Variants in NTM observed in about 807,000 individuals in gnomAD.
NTM encodes the protein neurotrimin.
Under a neutral mutation model 42.1 loss-of-function variants are expected in NTM, and 13 were observed. That is an observed-to-expected ratio of 0.31 (90% CI 0.20 to 0.49). The LOEUF (loss-of-function observed/expected upper bound fraction) is 0.49, where lower values mean the gene tolerates loss of function less well. Among genes scored for constraint, NTM ranks in the 20% least tolerant of loss-of-function variants. The pLI is 0.99. For missense variants in NTM, 373 were observed against 452.8 expected, an observed-to-expected ratio of 0.82 and a Z score of 1.60; for synonymous variants, 187 against 179.2, an observed-to-expected ratio of 1.04 and a Z score of -0.35.
intron 1 of NTM, among the ~76,000 whole-genome samples, chr11:131,893,780 C>A (rs938301601): frequency 1.3e-5 from 2 of 152,106 alleles, no homozygotes; most frequent in Non-Finnish European, 2.9e-5. Context: ...GGACCCAGGA[C>A]CTCAGAGTTG....
At chr11:132,090,377 C>T (rs767567737) in intron 2 of NTM, among the ~76,000 whole-genome samples, 3 of 152,238 alleles carry the variant, frequency 2.0e-5, no homozygotes, top group African/African-American at 4.8e-5. Context: ...GTTTTATAAT[C>T]TCCCTTTCTG....
At chr11:132,030,983 C>T (rs2075842057) in intron 2 of NTM, among the ~76,000 whole-genome samples, 1 of 152,162 alleles carries the variant, frequency 6.6e-6, no homozygotes. Context: ...GACTGAGGAG[C>T]CAGCAGCTAC....
chr11:132,110,727 T>G (rs1218671920), intron 2 of NTM, among the ~76,000 whole-genome samples: 1 of 152,040 alleles, frequency 6.6e-6, no homozygotes, highest in Non-Finnish European at 1.5e-5. Context: ...AATTCTCACT[T>G]TCTGTCACAA....
At chr11:131,412,150 CTG>C (rs1244393007) in intron 1 of NTM, among the ~76,000 whole-genome samples, 1 of 152,134 alleles carries the variant, frequency 6.6e-6, no homozygotes, top group Non-Finnish European at 1.5e-5. Flanking sequence ...CTTTCCTGTT[CTG>C]TGTTAGCCTG....
chr11:131,948,379 AAC>A (rs111518704), intron 2 of NTM, among the ~76,000 whole-genome samples: 6 of 66,452 alleles, frequency 9.0e-5, no homozygotes, highest in Non-Finnish European at 1.8e-4. Context: ...AAAACAAAAA[AAC>A]AAAAAAACAA....
At chr11:131,676,999 T>G (rs1364345270) in intron 1 of NTM, among the ~76,000 whole-genome samples, 4 of 104,754 alleles carry the variant, frequency 3.8e-5, no homozygotes, top group Non-Finnish European at 8.7e-5. Flanking sequence ...GACACTGACA[T>G]TTTTGATGAT....
chr11:131,414,792 C>A (rs144435134), intron 1 of NTM, among the ~76,000 whole-genome samples: 1 of 152,238 alleles, frequency 6.6e-6, no homozygotes, highest in African/African-American at 2.4e-5. Context: ...GCCTTCCTGT[C>A]AATGTACTTG....
intron 1 of NTM, among the ~76,000 whole-genome samples, chr11:131,396,880 T>G (rs944382084): frequency 6.6e-6 from 1 of 152,110 alleles, no homozygotes; most frequent in Non-Finnish European, 1.5e-5. Flanking sequence ...ATTCTGTTAT[T>G]GATTAGCTGT....
chr11:131,541,801 A>T (rs2053299515), intron 1 of NTM, among the ~76,000 whole-genome samples: 1 of 152,166 alleles, frequency 6.6e-6, no homozygotes, highest in Non-Finnish European at 1.5e-5. Flanking sequence ...CATATTTAAG[A>T]CTTTGTGTTG....
intron 2 of NTM, among the ~76,000 whole-genome samples, chr11:132,119,037 G>T (rs2064319785): frequency 6.6e-6 from 1 of 152,158 alleles, no homozygotes; most frequent in East Asian, 1.9e-4. Context: ...GTTTCCAGCG[G>T]ATGAAAAGAT....
At chr11:131,411,443 A>C (rs754202253) in intron 1 of NTM, among the ~76,000 whole-genome samples, 1 of 152,134 alleles carries the variant, frequency 6.6e-6, no homozygotes, top group Admixed American at 6.5e-5. Context: ...AAGATGAGAA[A>C]GAGGAGAAAA....
At chr11:131,860,697 C>G (rs1470614075) in intron 1 of NTM, among the ~76,000 whole-genome samples, 1 of 152,198 alleles carries the variant, frequency 6.6e-6, no homozygotes, top group Admixed American at 6.5e-5. Context: ...ACCAACCATG[C>G]AAGCAGGCCT....
At chr11:131,904,603 G>T (rs1030834829) in intron 1 of NTM, among the ~76,000 whole-genome samples, 9 of 152,168 alleles carry the variant, frequency 5.9e-5, no homozygotes, top group African/African-American at 2.2e-4. Context: ...AAGAAGCTTT[G>T]GATTCAGCCA....
At chr11:131,760,784 G>A (rs7945818) in intron 1 of NTM, among the ~76,000 whole-genome samples, 40,505 of 151,930 alleles carry the variant, frequency 0.27, 6,131 homozygotes, top group East Asian at 0.4. Flanking sequence ...GGTCGCCGGG[G>A]TGACTAAAGA....
intron 2 of NTM, among the ~76,000 whole-genome samples, chr11:132,034,752 C>T (rs2076316319): frequency 6.6e-6 from 1 of 152,182 alleles, no homozygotes; most frequent in African/African-American, 2.4e-5. Flanking sequence ...GGACTATGCC[C>T]CACTTTAACT....
chr11:131,840,113 C>T (rs948434577), intron 1 of NTM, among the ~76,000 whole-genome samples: 6 of 152,166 alleles, frequency 3.9e-5, no homozygotes, highest in Admixed American at 2.6e-4. Flanking sequence ...TGAGAGTAGG[C>T]GATTGCATAT....
intron 1 of NTM, among the ~76,000 whole-genome samples, chr11:131,568,805 T>C (rs919644279): frequency 3.9e-5 from 6 of 152,192 alleles, no homozygotes; most frequent in African/African-American, 1.4e-4. Flanking sequence ...GGGGCCTTAG[T>C]AATGTTGGGG....
chr11:131,666,737 G>A (rs1393157572), intron 1 of NTM, among the ~76,000 whole-genome samples: 3 of 152,200 alleles, frequency 2.0e-5, no homozygotes, highest in Non-Finnish European at 4.4e-5. Context: ...CAGTGCAACA[G>A]AGACGTCCAG....
At chr11:131,780,493 G>A (rs765628941) in intron 1 of NTM, among the ~76,000 whole-genome samples, 2 of 152,150 alleles carry the variant, frequency 1.3e-5, no homozygotes, top group African/African-American at 2.4e-5. Context: ...AGAAGTGGGT[G>A]TATGGGTCTG....
Sources: allele counts gnomAD v4.1 joint callset (sites outside exome capture counted in the v4.1 genomes callset), GRCh38; gene constraint gnomAD v4.1.1; transcripts MANE v1.5; gene names NCBI Gene and HGNC (gene_info 2026-07-23, HGNC 2026-07-21).